The following PTPRS variants were observed in gnomAD, a reference collection of about 807,000 sequenced individuals.
PTPRS encodes the protein receptor-type tyrosine-protein phosphatase S.
Under a neutral mutation model 215.3 loss-of-function variants are expected in PTPRS, and 63 were observed. The observed-to-expected ratio is 0.29, with a 90% CI of 0.24 to 0.36. PTPRS has a LOEUF of 0.36. Ranked by LOEUF, PTPRS falls within the 10% of genes least tolerant of loss-of-function variation. PTPRS has a pLI of 1.00. For missense variants in PTPRS, 2,258 were observed against 2,825.8 expected (o/e 0.80, Z 4.56); for synonymous variants, 1,404 against 1,191.4 (o/e 1.18, Z -3.68).
intron 1 of PTPRS, among the ~76,000 whole-genome samples, chr19:5,322,879 C>CAAA (rs60988670): frequency 0.036 from 2,329 of 65,486 alleles, 63 homozygotes; most frequent in East Asian, 0.061. Context: ...AACTCCGTCT[C>CAAA]AAAAAAAAAA....
chr19:5,337,299 T>C (rs1430593868), intron 1 of PTPRS, among the ~76,000 whole-genome samples: 2 of 152,242 alleles, frequency 1.3e-5, no homozygotes, highest in Admixed American at 1.3e-4. Context: ...GCCCCGCTTC[T>C]TCCCCCACGC....
chr19:5,257,302 G>C lies in PTPRS; in HGVS notation c.706+715C>G, dbSNP rs1441086893. 10 of 409,196 alleles carry C rather than the reference G, an allele frequency of 2.4e-5. No homozygotes were observed. The highest frequency in any genetic ancestry group is 4.5e-5 in the Non-Finnish European group (9 of 198,694). The allele number at this position is 409,196 out of a possible 1,614,324, so 25.3% of individuals were successfully genotyped here. On this transcript the variant is annotated intron_variant, in intron 8 of 37. Coordinates refer to ENST00000262963, the MANE Select transcript of PTPRS (RefSeq NM_002850.4). The surrounding 1 kb of genome is among the most constrained non-coding windows in gnomAD (Gnocchi z 4.4). The stretch of plus-strand genomic sequence containing the variant: ...CACGCTGCTGGGCATGACTGAGTGG[G>C]AATTGGAAACTGAGAGTAACAAGCT...
intron 5 of PTPRS, among the ~76,000 whole-genome samples, chr19:5,264,503 G>A (rs1393971020): frequency 1.3e-5 from 2 of 152,140 alleles, no homozygotes; most frequent in African/African-American, 2.4e-5. Flanking sequence ...AGAGATGAGC[G>A]TCTTGCTACA....
Position 5,225,762 on chromosome 19 carries a change from C to G in PTPRS, c.2459G>C (p.Arg820Pro). ...GGTCACAACCACCTTGGGTTTGCTG[C>G]GAGCGCCATCGCCCTTCATGGTGTA... The part of the protein sequence containing the change: ...AAYTMKGDGA[R>P]SKPKVVVTKG... Residue 820 changes from arginine (R) to proline (P), a missense_variant, in exon 17 of 38, where the codon CGC becomes CCC. By Grantham distance (103) the Arg-to-Pro change is moderately radical (BLOSUM62 -2). Around this residue, in one of 6 missense-constraint regions of PTPRS, gnomAD observed 371 missense variants for 446.7 expected, o/e 0.83. Transcript: ENST00000262963. 1 of 1,614,036 alleles carries G rather than the reference C, an allele frequency of 6.2e-7. No homozygotes were observed. Among genetic ancestry groups the G allele is most frequent in the Non-Finnish European group, 8.5e-7 (1 of 1,179,988 alleles).
intron 17 of PTPRS, 140 bp downstream of exon 17, chr19:5,225,587 C>T: frequency 5.2e-6 from 4 of 767,136 alleles, no homozygotes; most frequent in Non-Finnish European, 6.6e-6. Context: ...CTGAGCAGCC[C>T]TCACACCTTT....
At chr19:5,327,098 G>A (rs1333747403) in intron 1 of PTPRS, among the ~76,000 whole-genome samples, 3 of 152,170 alleles carry the variant, frequency 2.0e-5, no homozygotes, top group Admixed American at 1.3e-4. Context: ...TCCTGCCAGC[G>A]TGGCAGCCTG....
intron 16 of PTPRS, 89 bp from the exon 17 acceptor site, chr19:5,225,933 G>A (rs769384031): frequency 2.5e-4 from 275 of 1,084,960 alleles, no homozygotes; most frequent in Non-Finnish European, 3.7e-4. Flanking sequence ...CAAGCAAGGA[G>A]GATGCAGGGC....
chr19:5,244,179 C>T lies in PTPRS; in HGVS notation c.1292G>A (p.Arg431Gln), dbSNP rs760369713. The T allele has an allele frequency of 3.8e-6, 6 of 1,598,766 alleles. No individual in the cohort carries two copies. The highest frequency in any genetic ancestry group is 1.7e-4 in the Middle Eastern group (1 of 6,032). The change falls in exon 11 of 38, where the codon CGG becomes CAG. Residue 431 changes from arginine (R) to glutamine (Q), a missense_variant. By Grantham distance (43) the Arg-to-Gln change is conservative. Coordinates refer to ENST00000262963, the MANE Select transcript of PTPRS (RefSeq NM_002850.4). This position sits in a 1 kb window ranked among gnomAD's most constrained non-coding sequence, Gnocchi z 7.2. ...GCTGAGCATCCGGGCTTGCACGTTC[C>T]GCGGCGCGCTGGCCGGGGCCTGCTC... The part of the protein sequence containing the change: ...TGEQAPASAP[R>Q]NVQARMLSAT...
intron 2 of PTPRS, among the ~76,000 whole-genome samples, chr19:5,279,796 C>A (rs1479708264): frequency 6.6e-6 from 1 of 152,190 alleles, no homozygotes; most frequent in Non-Finnish European, 1.5e-5. Flanking sequence ...CATTCTCCTG[C>A]CTCAGCCTCC....
Position 5,206,758 on chromosome 19 carries a change from G to C in PTPRS, c.*16C>G. 2 of 1,612,500 alleles carry C rather than the reference G, an allele frequency of 1.2e-6. No homozygotes were observed. The highest frequency in any genetic ancestry group is 1.3e-5 in the African/African-American group (1 of 74,988). On this transcript the variant is annotated 3_prime_UTR_variant, in exon 38 of 38. Transcript: ENST00000262963. ...ATCCGGGGCCAGTGGTGTCGGGCCT[G>C]GGGGGAACCATGGCTTTAGGTTGCA...
chr19:5,231,592 C>A lies in PTPRS; in HGVS notation c.1873G>T (p.Val625Phe). The part of the protein sequence containing the change: ...QSKPSAPPQD[V>F]KCVSVRSTAI... ...GTGGAGCGCACGCTGACACATTTAA[C>A]GTCTTGAGGGGGGGCTGACGGTTCT... Residue 625 changes from valine to phenylalanine, a missense_variant, in exon 14 of 38, where the codon GTT becomes TTT. Val to Phe is a conservative substitution (Grantham distance 50). Coordinates refer to ENST00000262963, the MANE Select transcript of PTPRS (RefSeq NM_002850.4). 6.4e-7 allele frequency: 1 copy of A among 1,557,760 alleles called. No individual in the cohort carries two copies. The highest frequency in any genetic ancestry group is 8.6e-7 in the Non-Finnish European group (1 of 1,161,810).
intron 1 of PTPRS, among the ~76,000 whole-genome samples, chr19:5,309,183 G>A (rs1346945965): frequency 1.3e-5 from 2 of 152,148 alleles, no homozygotes; most frequent in African/African-American, 4.8e-5. Context: ...CTGGTGGTGA[G>A]CAGAGTGTGC....
At chr19:5,229,033 G>A (rs968499519) in intron 16 of PTPRS, among the ~76,000 whole-genome samples, 2 of 152,242 alleles carry the variant, frequency 1.3e-5, no homozygotes, top group Non-Finnish European at 2.9e-5. Flanking sequence ...AATGGCAGGA[G>A]CCATCAGGGT....
chr19:5,284,904 T>A (rs1251580136), intron 2 of PTPRS, among the ~76,000 whole-genome samples: 27 of 151,738 alleles, frequency 1.8e-4, no homozygotes, highest in Admixed American at 1.8e-3. Flanking sequence ...GCTGAGATGC[T>A]GCCACTGCAC....
chr19:5,223,608 G>A (rs2042213982), intron 17 of PTPRS, among the ~76,000 whole-genome samples: 2 of 148,574 alleles, frequency 1.3e-5, no homozygotes, highest in African/African-American at 2.5e-5. Context: ...TGTTGCCCAG[G>A]CTGAAGTGCA....
At chr19:5,337,922 T>C (rs891062966) in intron 1 of PTPRS, among the ~76,000 whole-genome samples, 1 of 152,118 alleles carries the variant, frequency 6.6e-6, no homozygotes, top group African/African-American at 2.4e-5. Context: ...TTTTCTCTGC[T>C]GGCAGCAGGC....
intron 2 of PTPRS, among the ~76,000 whole-genome samples, chr19:5,281,863 G>C (rs1016496248): frequency 1.3e-5 from 2 of 152,200 alleles, no homozygotes; most frequent in African/African-American, 4.8e-5. Context: ...AGACCGGGCG[G>C]GTGGGTGCTA....
rs533685228 is a variant in PTPRS at position 5,214,373 on chromosome 19, G to C, written c.4602C>G (p.Phe1534Leu). 9 of 1,614,138 alleles carry C rather than the reference G, an allele frequency of 5.6e-6. No individual in the cohort carries two copies. Among genetic ancestry groups the C allele is most frequent in the South Asian group, 4.4e-5 (4 of 91,088 alleles). Reference sequence around the variant, plus strand: ...GCCTGGGCCCCACCTTGTGCAGAGAGAATGTCCTGACGCAGAATGTGGCCA... The same window carrying C: ...GCCTGGGCCCCACCTTGTGCAGAGACAATGTCCTGACGCAGAATGTGGCCA... ...IELATFCVRT[F>L]SLHKNGSSEK... The change falls in exon 30 of 38, where the codon TTC (phenylalanine) becomes TTG (leucine). Residue 1534 changes from phenylalanine to leucine, a missense_variant. Transcript: ENST00000262963.
At chr19:5,235,815 G>A (rs1453327173) in intron 13 of PTPRS, among the ~76,000 whole-genome samples, 2 of 152,208 alleles carry the variant, frequency 1.3e-5, no homozygotes, top group African/African-American at 4.8e-5. Flanking sequence ...GAATAACACT[G>A]AGAGTTCCCG....
Sources: allele counts gnomAD v4.1 joint callset (sites outside exome capture counted in the v4.1 genomes callset), GRCh38; gene constraint gnomAD v4.1.1; regional missense constraint gnomAD v4.1.1; non-coding constraint Gnocchi (gnomAD v3.1); transcripts MANE v1.5; gene names NCBI Gene and HGNC (gene_info 2026-07-23, HGNC 2026-07-21).